Variants in DNAJC1 observed in about 807,000 individuals in gnomAD.
DNAJC1 encodes the protein DnaJ heat shock protein family (Hsp40) member C1, also known as dnaJ homolog subfamily C member 1.
DNAJC1 carries 58 observed loss-of-function variants against 76.6 expected under a neutral mutation model. The observed-to-expected ratio is 0.76, with a 90% CI of 0.61 to 0.94. DNAJC1 has a LOEUF of 0.94. Among genes scored for constraint, DNAJC1 ranks in the 40% least tolerant of loss-of-function variants. The pLI is 0.00. For synonymous variants in DNAJC1, 258 were observed against 267.9 expected, an observed-to-expected ratio of 0.96 and a Z score of 0.36; for missense variants, 689 against 677.3, an observed-to-expected ratio of 1.02 and a Z score of -0.19.
intron 8 of DNAJC1, among the ~76,000 whole-genome samples, chr10:21,859,102 C>T (rs1198482267): frequency 6.6e-6 from 1 of 152,126 alleles, no homozygotes; most frequent in African/African-American, 2.4e-5. Flanking sequence ...TCATTTATTC[C>T]TATCAAGTGT....
chr10:21,877,305 T>G (rs1349773822), intron 8 of DNAJC1, among the ~76,000 whole-genome samples: 1 of 151,382 alleles, frequency 6.6e-6, no homozygotes, highest in Non-Finnish European at 1.5e-5. Flanking sequence ...TATACATATA[T>G]ATATATATTT....
intron 8 of DNAJC1, 56 bp from the exon 9 acceptor site, chr10:21,806,155 T>C: frequency 2.0e-6 from 3 of 1,528,684 alleles, no homozygotes; most frequent in Non-Finnish European, 2.6e-6. Flanking sequence ...AAAAAGATAA[T>C]TGGAAGAATA....
intron 9 of DNAJC1, among the ~76,000 whole-genome samples, chr10:21,789,080 T>C (rs1462831654): frequency 6.6e-6 from 1 of 152,146 alleles, no homozygotes; most frequent in East Asian, 1.9e-4. Flanking sequence ...CTGTGGCAGC[T>C]GCTTGTAGGC....
intron 6 of DNAJC1, among the ~76,000 whole-genome samples, chr10:21,916,226 G>GCT (rs1836952782): frequency 6.6e-6 from 1 of 152,290 alleles, no homozygotes; most frequent in East Asian, 1.9e-4. Flanking sequence ...AGGTGCAGTG[G>GCT]CTCACGCCTA....
intron 1 of DNAJC1, among the ~76,000 whole-genome samples, chr10:22,002,525 A>C (rs527684664): frequency 1.3e-5 from 2 of 152,342 alleles, no homozygotes; most frequent in South Asian, 4.1e-4. Context: ...CTTCTCTTCC[A>C]ATCGCATCCC....
At chr10:21,856,740 A>G (rs1014007169) in intron 8 of DNAJC1, among the ~76,000 whole-genome samples, 1 of 151,918 alleles carries the variant, frequency 6.6e-6, no homozygotes, top group Non-Finnish European at 1.5e-5. Flanking sequence ...TAGAAAAAAA[A>G]ATTTTTTTTT....
chr10:21,961,155 A>C (rs76410333), intron 1 of DNAJC1, among the ~76,000 whole-genome samples: 3,494 of 152,300 alleles, frequency 0.023, 121 homozygotes, highest in African/African-American at 0.078. Flanking sequence ...GCTTGTGAAA[A>C]ACAGTAAGAT....
chr10:21,988,965 C>G (rs4748778), intron 1 of DNAJC1, among the ~76,000 whole-genome samples: 110,565 of 152,058 alleles, frequency 0.73, 40,733 homozygotes, highest in East Asian at 0.97. Flanking sequence ...ACATATATGT[C>G]ATTCTGAGAT....
At chr10:21,961,388 T>C (rs1009772627) in intron 1 of DNAJC1, among the ~76,000 whole-genome samples, 7 of 152,178 alleles carry the variant, frequency 4.6e-5, no homozygotes, top group African/African-American at 1.7e-4. Context: ...CTATGATTTA[T>C]CTATAAAAAG....
chr10:21,830,603 C>T (rs1438771634), intron 8 of DNAJC1, among the ~76,000 whole-genome samples: 2 of 152,120 alleles, frequency 1.3e-5, no homozygotes, highest in Admixed American at 6.5e-5. Context: ...CTATGTACTA[C>T]TCAAATACAA....
intron 9 of DNAJC1, among the ~76,000 whole-genome samples, chr10:21,792,088 T>C (rs1008744481): frequency 1.8e-4 from 27 of 152,208 alleles, no homozygotes; most frequent in Admixed American, 3.9e-4. Context: ...ACTTTTATTA[T>C]TCAAGCACTT....
chr10:21,902,744 C>T (rs1174687687), intron 7 of DNAJC1, among the ~76,000 whole-genome samples: 1 of 152,094 alleles, frequency 6.6e-6, no homozygotes, highest in African/African-American at 2.4e-5. Flanking sequence ...AACCTAATTT[C>T]AAAAGGGGTA....
intron 1 of DNAJC1, among the ~76,000 whole-genome samples, chr10:22,000,036 C>T (rs1394367126): frequency 6.6e-6 from 1 of 152,212 alleles, no homozygotes; most frequent in Admixed American, 6.5e-5. Flanking sequence ...CCAAACCAGG[C>T]TCCTAGTCCA....
At chr10:21,916,689 C>T (rs1453809439) in intron 6 of DNAJC1, among the ~76,000 whole-genome samples, 1 of 151,932 alleles carries the variant, frequency 6.6e-6, no homozygotes, top group African/African-American at 2.4e-5. Flanking sequence ...TCATAAATAT[C>T]GTATTTAAGA....
intron 9 of DNAJC1, among the ~76,000 whole-genome samples, chr10:21,801,329 T>C (rs1354444220): frequency 1.3e-5 from 2 of 151,996 alleles, no homozygotes; most frequent in Non-Finnish European, 2.9e-5. Context: ...GCAAAGGACA[T>C]GAAGAGACAC....
chr10:21,973,841 A>T (rs1207048106), intron 1 of DNAJC1, among the ~76,000 whole-genome samples: 1 of 152,004 alleles, frequency 6.6e-6, no homozygotes, highest in Non-Finnish European at 1.5e-5. Flanking sequence ...GGTGGCTCAC[A>T]CCTGTAATCC....
intron 1 of DNAJC1, among the ~76,000 whole-genome samples, chr10:21,999,688 C>T (rs1398459045): frequency 5.3e-5 from 8 of 151,856 alleles, no homozygotes; most frequent in Non-Finnish European, 1.2e-4. Flanking sequence ...CTCCTGACCT[C>T]GTGATCCACC....
chr10:21,834,643 G>T (rs1045719276), intron 8 of DNAJC1, among the ~76,000 whole-genome samples: 2 of 152,168 alleles, frequency 1.3e-5, no homozygotes, highest in Non-Finnish European at 2.9e-5. Flanking sequence ...TTTTCCAACG[G>T]ACTTAAAAAA....
chr10:21,781,330 C>A (rs926372670), intron 9 of DNAJC1, among the ~76,000 whole-genome samples: 1 of 152,284 alleles, frequency 6.6e-6, no homozygotes, highest in East Asian at 1.9e-4. Context: ...ATTGACCACA[C>A]AGTTGGAAGT....
Sources: gnomAD v4.1 joint callset for allele counts (sites outside exome capture counted in the v4.1 genomes callset) on GRCh38, gnomAD v4.1.1 for gene constraint, MANE v1.5 for transcripts, NCBI Gene and HGNC (gene_info 2026-07-23, HGNC 2026-07-21) for gene names.